GTF2E2: variants seen among roughly 807,000 people sequenced by gnomAD.
GTF2E2 encodes general transcription factor IIE subunit 2.
GTF2E2 carries 21 observed loss-of-function variants against 40.5 expected under a neutral mutation model. The ratio of observed to expected loss-of-function variants is 0.52; its 90% CI spans 0.37 to 0.75. The LOEUF is 0.75. Among genes scored for constraint, GTF2E2 ranks in the 30% least tolerant of loss-of-function variants. The pLI, the probability that GTF2E2 is intolerant of heterozygous loss-of-function variation, is 0.00. For synonymous variants in GTF2E2, 117 were observed against 121.6 expected (o/e 0.96, Z 0.25); for missense variants, 298 against 338.4 (o/e 0.88, Z 0.94).
chr8:30,601,936 T>C (rs1466193264), intron 6 of GTF2E2, among the ~76,000 whole-genome samples: 2 of 152,194 alleles, frequency 1.3e-5, no homozygotes, highest in Non-Finnish European at 2.9e-5. Context: ...ATGGTGACTC[T>C]ACAATAGAAA....
chr8:30,589,680 A>G (rs1828784888), intron 6 of GTF2E2, among the ~76,000 whole-genome samples: 1 of 152,224 alleles, frequency 6.6e-6, no homozygotes, highest in Non-Finnish European at 1.5e-5. Flanking sequence ...CCACAGTATG[A>G]CCTGCTATCT....
chr8:30,614,930 C>T (rs1800871587), intron 3 of GTF2E2, among the ~76,000 whole-genome samples: 1 of 151,748 alleles, frequency 6.6e-6, no homozygotes, highest in Non-Finnish European at 1.5e-5. Flanking sequence ...AAAATATATG[C>T]AACTCGTATC....
chr8:30,597,605 C>A (rs1033162371), intron 6 of GTF2E2: 3 of 152,210 alleles, frequency 2.0e-5, no homozygotes, highest in Non-Finnish European at 4.4e-5. Flanking sequence ...CAAGGGGGTG[C>A]CTGTCTCTCC....
chr8:30,636,857 TAAA>T (rs35494159), intron 2 of GTF2E2: 757 of 294,444 alleles, frequency 2.6e-3, no homozygotes, highest in South Asian at 3.9e-3. Flanking sequence ...GTCTCAAAAT[TAAA>T]AAAAAAAAAA....
chr8:30,582,738 A>G (rs1333933826), intron 6 of GTF2E2, among the ~76,000 whole-genome samples: 1 of 152,212 alleles, frequency 6.6e-6, no homozygotes, highest in African/African-American at 2.4e-5. Context: ...CAACACAGTA[A>G]CGAGCTTGTG....
chr8:30,581,622 T>C (rs1828516488), intron 6 of GTF2E2, among the ~76,000 whole-genome samples: 1 of 152,200 alleles, frequency 6.6e-6, no homozygotes, highest in South Asian at 2.1e-4. Context: ...ATCCAAAATG[T>C]CTCTAAATAA....
At chr8:30,627,426 C>T (rs1248072583) in intron 3 of GTF2E2, among the ~76,000 whole-genome samples, 1 of 127,456 alleles carries the variant, frequency 7.8e-6, no homozygotes, top group Non-Finnish European at 1.6e-5. Context: ...GACTGGCTCA[C>T]GGCAAGGTTT....
intron 2 of GTF2E2, among the ~76,000 whole-genome samples, chr8:30,651,917 C>A (rs1455733148): frequency 6.6e-6 from 1 of 152,146 alleles, no homozygotes; most frequent in Non-Finnish European, 1.5e-5. Flanking sequence ...GAAATAAACT[C>A]TTTGATTTAT....
intron 1 of GTF2E2, among the ~76,000 whole-genome samples, chr8:30,654,864 C>A (rs9656751): frequency 0.037 from 5,606 of 152,226 alleles, 355 homozygotes; most frequent in African/African-American, 0.13. Context: ...ACTGCTTATA[C>A]ATAAAATGGC....
chr8:30,656,809 G>GGAAAAA (rs1554564963), intron 1 of GTF2E2: 2 of 110,210 alleles, frequency 1.8e-5, no homozygotes, highest in Non-Finnish European at 1.7e-5. Context: ...CTCCGTCTCA[G>GGAAAAA]AAAAAAAAAA....
At chr8:30,600,108 A>C (rs1024691686) in intron 6 of GTF2E2, among the ~76,000 whole-genome samples, 3 of 152,246 alleles carry the variant, frequency 2.0e-5, no homozygotes, top group Admixed American at 6.5e-5. Context: ...AGCTTCCAGT[A>C]AGTAAAAAAG....
chr8:30,617,649 G>T (rs533200617), intron 3 of GTF2E2, among the ~76,000 whole-genome samples: 1 of 152,070 alleles, frequency 6.6e-6, no homozygotes, highest in African/African-American at 2.4e-5. Flanking sequence ...TTCCTTGGCA[G>T]GCTGTAACGA....
chr8:30,633,023 A>C (rs117042680), intron 3 of GTF2E2, among the ~76,000 whole-genome samples: 1,642 of 152,312 alleles, frequency 0.011, 16 homozygotes, highest in Non-Finnish European at 0.018. Context: ...TTTAAGAATA[A>C]ATTTCTGATA....
At chr8:30,579,910 A>G (rs1828461977) in intron 7 of GTF2E2, among the ~76,000 whole-genome samples, 1 of 152,232 alleles carries the variant, frequency 6.6e-6, no homozygotes, top group African/African-American at 2.4e-5. Flanking sequence ...CTCACGGAGC[A>G]GGGGAGGGCC....
chr8:30,598,683 C>T (rs1436554240), intron 6 of GTF2E2, among the ~76,000 whole-genome samples: 2 of 152,170 alleles, frequency 1.3e-5, no homozygotes, highest in African/African-American at 4.8e-5. Flanking sequence ...AAATGTATTA[C>T]AGCTGCATAA....
At chr8:30,620,860 C>T (rs550773786) in intron 3 of GTF2E2, among the ~76,000 whole-genome samples, 42 of 150,842 alleles carry the variant, frequency 2.8e-4, no homozygotes, top group African/African-American at 9.8e-4. Flanking sequence ...GCCCAGCAGA[C>T]GGAGGTTGCA....
intron 3 of GTF2E2, among the ~76,000 whole-genome samples, chr8:30,626,031 T>A (rs1045459733): frequency 4.6e-5 from 7 of 152,140 alleles, no homozygotes; most frequent in African/African-American, 1.7e-4. Context: ...CCTCCAACCT[T>A]CCTTCACACA....
intron 3 of GTF2E2, among the ~76,000 whole-genome samples, chr8:30,629,767 GA>G (rs1271200018): frequency 6.7e-6 from 1 of 149,388 alleles, no homozygotes; most frequent in African/African-American, 2.5e-5. Flanking sequence ...AGGGGCCCAA[GA>G]ATTTGCATTT....
intron 6 of GTF2E2, among the ~76,000 whole-genome samples, chr8:30,581,174 C>A (rs1197677663): frequency 3.3e-5 from 5 of 152,160 alleles, no homozygotes; most frequent in Non-Finnish European, 7.3e-5. Flanking sequence ...AAGACTTACA[C>A]GCTCAGGAAC....
Sources: gnomAD v4.1 joint callset for allele counts (sites outside exome capture counted in the v4.1 genomes callset) on GRCh38, gnomAD v4.1.1 for gene constraint, MANE v1.5 for transcripts, NCBI Gene and HGNC (gene_info 2026-07-23, HGNC 2026-07-21) for gene names.